The following PPP1R14A variants were observed in gnomAD, a reference collection of about 807,000 sequenced individuals.
PPP1R14A encodes protein phosphatase 1 regulatory subunit 14A.
In PPP1R14A, 9 loss-of-function variants were observed where a neutral mutation model predicts 14.1. The observed-to-expected ratio is 0.64, with a 90% CI of 0.38 to 1.11. The LOEUF is 1.11. PPP1R14A is among the 50% of genes most tolerant of loss of function. PPP1R14A has a pLI of 0.01. For missense variants in PPP1R14A, 208 were observed against 200.7 expected (o/e 1.04, Z -0.22); for synonymous variants, 93 against 88.7 (o/e 1.05, Z -0.27).
Position 38,252,433 on chromosome 19 carries a change from G to A in PPP1R14A, c.283-95C>T, listed in dbSNP as rs1053503666. 1.6e-6 allele frequency: 2 copies of A among 1,275,828 alleles called. No homozygotes were observed. Among genetic ancestry groups the A allele is most frequent in the Non-Finnish European group, 1.1e-6 (1 of 896,352 alleles). The allele number at this position is 1,275,828 out of a possible 1,614,324, so 79.0% of individuals were successfully genotyped here. A position where few individuals can be genotyped will look rare whatever the true frequency, so the allele number is the denominator to read the frequency against. Reference sequence around the variant, plus strand: ...CTTTCCCAAAAGGCCCCAGCAGCAAGACAAATGGAAGTCAGACTCCAGGGT... The same window carrying A: ...CTTTCCCAAAAGGCCCCAGCAGCAAAACAAATGGAAGTCAGACTCCAGGGT... On this transcript the variant is annotated intron_variant, in intron 2 of 3. Coordinates refer to ENST00000301242, the MANE Select transcript of PPP1R14A (RefSeq NM_033256.3). The surrounding 1 kb of genome is among the most constrained non-coding windows in gnomAD (Gnocchi z 4.1).
intron 1 of PPP1R14A, 148 bp from the exon 2 acceptor site, chr19:38,253,122 A>T (rs908263738): frequency 1.8e-6 from 1 of 560,584 alleles, no homozygotes; most frequent in Non-Finnish European, 3.2e-6. Flanking sequence ...CACTGCCAAG[A>T]CGGGACATCT....
intron 3 of PPP1R14A, chr19:38,251,822 G>A (rs971631814): frequency 5.6e-6 from 2 of 354,302 alleles, no homozygotes; most frequent in Non-Finnish European, 1.0e-5. Flanking sequence ...TAGATCCAGG[G>A]CGAACAGAAA....
chr19:38,253,998 A>G (rs1337084886), intron 1 of PPP1R14A, among the ~76,000 whole-genome samples: 1 of 152,196 alleles, frequency 6.6e-6, no homozygotes, highest in African/African-American at 2.4e-5. Context: ...CCACCTGAGA[A>G]TGGCCTCATA....
intron 1 of PPP1R14A, 146 bp from the exon 2 acceptor site, chr19:38,253,120 A>C: frequency 1.6e-6 from 1 of 632,488 alleles, no homozygotes; most frequent in Non-Finnish European, 2.8e-6. Context: ...AGCACTGCCA[A>C]GACGGGACAT....
chr19:38,255,461 G>A (rs1968236553), intron 1 of PPP1R14A, among the ~76,000 whole-genome samples: 1 of 152,198 alleles, frequency 6.6e-6, no homozygotes, highest in African/African-American at 2.4e-5. Flanking sequence ...ATCAGCGCTT[G>A]TGCTTGAAGG....
At position 38,251,645 on chromosome 19, in the gene PPP1R14A, AT is replaced by A. The variant is rs145601272; in HGVS notation, c.316-200del. 1.8e-3 allele frequency among the ~76,000 whole-genome samples: 279 copies of A among 151,852 alleles called. 7 individuals carry two copies. The East Asian group carries it at 0.039, about 21-fold the overall frequency. ...AGATGGGGAAAGGGCGATGGGAGGG[AT>A]GGAGAGAAAGAGCTAGGAAGAGAGA... On this transcript the variant is annotated intron_variant, in intron 3 of 3. Coordinates refer to ENST00000301242, the MANE Select transcript of PPP1R14A (RefSeq NM_033256.3).
At chr19:38,254,007 T>C (rs1201375910) in intron 1 of PPP1R14A, among the ~76,000 whole-genome samples, 2 of 152,176 alleles carry the variant, frequency 1.3e-5, no homozygotes, top group Admixed American at 6.5e-5. Flanking sequence ...AATGGCCTCA[T>C]AGATGCCACC....
chr19:38,252,112 G>A lies in PPP1R14A; in HGVS notation c.315+194C>T. 3.3e-6 allele frequency: 2 copies of A among 611,274 alleles called. No homozygotes were observed. Among genetic ancestry groups the A allele is most frequent in the South Asian group, 1.9e-5 (1 of 51,628 alleles). The allele number at this position is 611,274 out of a possible 1,614,324, so 37.9% of individuals were successfully genotyped here. A position where few individuals can be genotyped will look rare whatever the true frequency, so the allele number is the denominator to read the frequency against. On this transcript the variant is annotated intron_variant, in intron 3 of 3. Transcript: ENST00000301242. The surrounding 1 kb of genome is among the most constrained non-coding windows in gnomAD (Gnocchi z 4.1). ...AATGGAGCCCCCTCAGCAGATGGGG[G>A]AGAGAGGGAGAGAGACAAGTAGGAG...
In PPP1R14A at chr19:38,251,337, G is replaced by T; in HGVS notation, c.425C>A (p.Ala142Asp). 1 of 1,525,930 alleles carries T rather than the reference G, an allele frequency of 6.6e-7. No individual in the cohort carries two copies. Among genetic ancestry groups the T allele is most frequent in the South Asian group, 1.3e-5 (1 of 77,682 alleles). 94.5% of individuals were successfully genotyped at this position (1,525,930 alleles called of 1,614,324 possible). ...DGSLSPLQDR[A>D]RTAHP ...AGAGGGTCAGGGGTGAGCAGTCCGG[G>T]CCCGGTCCTGGAGGGGGCTGAGGCT... Residue 142 changes from alanine to aspartate, a missense_variant, in exon 4 of 4, where the codon GCC becomes GAC. Transcript: ENST00000301242.
chr19:38,253,840 GGGCCTGGGGCT>G (rs1411219577), intron 1 of PPP1R14A, among the ~76,000 whole-genome samples: 3 of 152,244 alleles, frequency 2.0e-5, no homozygotes, highest in African/African-American at 7.2e-5. Context: ...CTGATGCCAA[GGGCCTGGGGCT>G]GGCCGAGGAT....
Position 38,252,251 on chromosome 19 carries a change from C to G in PPP1R14A, c.315+55G>C. The G allele has an allele frequency of 3.2e-6, 5 of 1,572,270 alleles. No homozygotes were observed. Among genetic ancestry groups the G allele is most frequent in the Non-Finnish European group, 4.4e-6 (5 of 1,148,908 alleles). On this transcript the variant is annotated intron_variant, in intron 3 of 3. Transcript: ENST00000301242. The surrounding 1 kb of genome is among the most constrained non-coding windows in gnomAD (Gnocchi z 4.1). ...CCTTCTGCCAGCTTCTTCCCCCTCC[C>G]CCATCAGAGTACTTGGGGCCAGAAC...
Position 38,256,015 on chromosome 19 carries a change from G to T in PPP1R14A, c.201+124C>A. On this transcript the variant is annotated intron_variant, in intron 1 of 3. Transcript: ENST00000301242. This position sits in a 1 kb window ranked among gnomAD's most constrained non-coding sequence, Gnocchi z 5.7. ...ATGAGTGCCCGGCCCTGGGGCGCTCGTCCTCTTGTGCAGACCAGGCTGGCC... is the reference window on the plus strand; with the variant it reads ...ATGAGTGCCCGGCCCTGGGGCGCTCTTCCTCTTGTGCAGACCAGGCTGGCC... The T allele has an allele frequency of 1.1e-6, 1 of 883,488 alleles. No individual in the cohort carries two copies. The highest frequency in any genetic ancestry group is 1.7e-6 in the Non-Finnish European group (1 of 600,932). The allele number at this position is 883,488 out of a possible 1,614,324, so 54.7% of individuals were successfully genotyped here.
At chr19:38,254,011 T>G (rs1003136543) in intron 1 of PPP1R14A, among the ~76,000 whole-genome samples, 1 of 152,192 alleles carries the variant, frequency 6.6e-6, no homozygotes, top group East Asian at 1.9e-4. Flanking sequence ...GCCTCATAGA[T>G]GCCACCTGCC....
rs757681871 is a variant in PPP1R14A, at chr19:38,252,332, G to C, written c.289C>G (p.Leu97Val). The C allele has an allele frequency of 5.0e-6, 8 of 1,612,650 alleles. No individual in the cohort carries two copies. Among genetic ancestry groups the C allele is most frequent in the East Asian group, 2.2e-5 (1 of 44,870 alleles). ...TCGACAGGTTTCCCACATGACTTCA[G>C]GAGTCCCTAAAACCCCCAACCAAGA... Reference protein sequence around the residue: ...EERSRKIQGLLKSCGKPVEDF... With the variant: ...EERSRKIQGLVKSCGKPVEDF... Residue 97 changes from leucine (L) to valine (V), a missense_variant, in exon 3 of 4, where the codon CTG becomes GTG. Leu to Val is a conservative substitution (Grantham distance 32). Coordinates refer to ENST00000301242, the MANE Select transcript of PPP1R14A (RefSeq NM_033256.3). The surrounding 1 kb of genome is among the most constrained non-coding windows in gnomAD (Gnocchi z 4.1).
intron 1 of PPP1R14A, chr19:38,253,332 T>G: frequency 9.7e-6 from 2 of 207,042 alleles, no homozygotes; most frequent in East Asian, 1.3e-4. Flanking sequence ...AGCTGGCTTC[T>G]GCCCTTTCAA....
intron 1 of PPP1R14A, among the ~76,000 whole-genome samples, chr19:38,255,380 C>G (rs969362586): frequency 6.6e-6 from 1 of 152,170 alleles, no homozygotes; most frequent in Admixed American, 6.5e-5. Context: ...CCTCCTGCCC[C>G]GGCCTCACAA....
intron 1 of PPP1R14A, among the ~76,000 whole-genome samples, chr19:38,255,387 A>G (rs1001205883): frequency 6.6e-6 from 1 of 152,218 alleles, no homozygotes; most frequent in African/African-American, 2.4e-5. Flanking sequence ...CCCCGGCCTC[A>G]CAAAATGCGT....
In PPP1R14A at chr19:38,256,128, C is replaced by T. The variant is rs201344357; in HGVS notation, c.201+11G>A. The T allele has an allele frequency of 4.5e-6, 7 of 1,539,012 alleles. No individual in the cohort carries two copies. The East Asian group carries it at 7.3e-5, about 16-fold the overall frequency. On this transcript the variant is annotated intron_variant, in intron 1 of 3. Coordinates refer to ENST00000301242, the MANE Select transcript of PPP1R14A (RefSeq NM_033256.3). This position sits in a 1 kb window ranked among gnomAD's most constrained non-coding sequence, Gnocchi z 5.7. Reference sequence around the variant, plus strand: ...TGTCCCCGACCACCCCCGAGCCCTCCCCGGGCTCACCATGCCGCGGTACAG... The same window carrying T: ...TGTCCCCGACCACCCCCGAGCCCTCTCCGGGCTCACCATGCCGCGGTACAG...
At chr19:38,254,320 T>C (rs1406432334) in intron 1 of PPP1R14A, among the ~76,000 whole-genome samples, 1 of 152,086 alleles carries the variant, frequency 6.6e-6, no homozygotes, top group African/African-American at 2.4e-5. Context: ...TTTTCTTTTT[T>C]TTGAGACAAA....
Sources: allele counts gnomAD v4.1 joint callset (sites outside exome capture counted in the v4.1 genomes callset), GRCh38; gene constraint gnomAD v4.1.1; non-coding constraint Gnocchi (gnomAD v3.1); transcripts MANE v1.5; gene names NCBI Gene and HGNC (gene_info 2026-07-23, HGNC 2026-07-21).